The following RBMS3 variants were observed in gnomAD, a reference collection of about 807,000 sequenced individuals.
The protein encoded by RBMS3 is RNA-binding motif, single-stranded-interacting protein 3.
A neutral mutation model predicts 66.8 loss-of-function variants in RBMS3; 27 were observed. The ratio of observed to expected loss-of-function variants is 0.40; its 90% CI spans 0.30 to 0.56. The LOEUF (loss-of-function observed/expected upper bound fraction) is 0.56. Among genes scored for constraint, RBMS3 ranks in the 20% least tolerant of loss-of-function variants. The pLI is 0.40. For missense variants in RBMS3, 513 were observed against 549.5 expected (o/e 0.93, Z 0.66); for synonymous variants, 188 against 183.0 (o/e 1.03, Z -0.22).
At chr3:29,375,867 G>T (rs1317200888) in intron 1 of RBMS3, among the ~76,000 whole-genome samples, 2 of 152,084 alleles carry the variant, frequency 1.3e-5, no homozygotes, top group Admixed American at 1.3e-4. Context: ...CAAAGGAATA[G>T]AAATCATTCT....
At chr3:29,633,894 A>G (rs926632886) in intron 4 of RBMS3, among the ~76,000 whole-genome samples, 2 of 151,876 alleles carry the variant, frequency 1.3e-5, no homozygotes, top group African/African-American at 4.8e-5. Flanking sequence ...GACTTCATTT[A>G]AATAACCCCA....
intron 3 of RBMS3, among the ~76,000 whole-genome samples, chr3:29,574,733 GT>G (rs142133945): frequency 0.054 from 8,216 of 151,392 alleles, 406 homozygotes; most frequent in African/African-American, 0.14. Context: ...TCCATTGTGT[GT>G]TTTTTTGATT....
chr3:29,942,016 A>G (rs536906307), intron 11 of RBMS3, among the ~76,000 whole-genome samples: 2 of 151,942 alleles, frequency 1.3e-5, no homozygotes, highest in South Asian at 4.1e-4. Flanking sequence ...AAGAAGTTAT[A>G]GTTTTGAGAA....
At chr3:29,470,805 G>A (rs1421730300) in intron 2 of RBMS3, among the ~76,000 whole-genome samples, 3 of 151,900 alleles carry the variant, frequency 2.0e-5, no homozygotes, top group Non-Finnish European at 4.4e-5. Flanking sequence ...ACATTTTTTG[G>A]TATTTAGTAA....
At chr3:29,798,929 G>GTTTTTTTTTTTTTTTTTT (rs368923260) in intron 6 of RBMS3, among the ~76,000 whole-genome samples, 28 of 127,662 alleles carry the variant, frequency 2.2e-4, no homozygotes, top group African/African-American at 7.7e-4. Context: ...GTACCCTCTG[G>GTTTTTTTTTTTTTTTTTT]TTTTTTTTTT....
At chr3:29,293,158 T>C (rs545073555) in intron 1 of RBMS3, among the ~76,000 whole-genome samples, 1 of 151,978 alleles carries the variant, frequency 6.6e-6, no homozygotes, top group Non-Finnish European at 1.5e-5. Flanking sequence ...AGGGATGTTT[T>C]TCAGAAAGAG....
chr3:29,962,568 A>ATATATATATATATATATATATATATAT (rs199824648), intron 12 of RBMS3, among the ~76,000 whole-genome samples: 71 of 149,450 alleles, frequency 4.8e-4, no homozygotes, highest in African/African-American at 1.3e-3. Context: ...ATATATATAT[A>ATATATATATATATATATATATATATAT]ATACCATACC....
chr3:29,565,905 G>A (rs1466811703), intron 3 of RBMS3, among the ~76,000 whole-genome samples: 1 of 152,088 alleles, frequency 6.6e-6, no homozygotes, highest in East Asian at 1.9e-4. Flanking sequence ...GGTTGGAGTT[G>A]CAAATTTAAA....
intron 7 of RBMS3, among the ~76,000 whole-genome samples, chr3:29,882,984 A>C (rs971913239): frequency 1.3e-5 from 2 of 152,006 alleles, no homozygotes; most frequent in Non-Finnish European, 1.5e-5. Context: ...CAATTGTTAT[A>C]TTTTAAGTAA....
intron 12 of RBMS3, among the ~76,000 whole-genome samples, chr3:29,975,063 T>C (rs1390429251): frequency 1.5e-5 from 2 of 130,176 alleles, no homozygotes; most frequent in Non-Finnish European, 1.5e-5. Flanking sequence ...AAAATATGTT[T>C]CTATATATAT....
intron 6 of RBMS3, among the ~76,000 whole-genome samples, chr3:29,793,777 A>G (rs1005706718): frequency 6.6e-6 from 1 of 152,228 alleles, no homozygotes; most frequent in African/African-American, 2.4e-5. Flanking sequence ...TTTCTAGTGT[A>G]TGTGGAATCC....
intron 4 of RBMS3, among the ~76,000 whole-genome samples, chr3:29,605,045 T>G (rs936439664): frequency 6.6e-6 from 1 of 151,970 alleles, no homozygotes; most frequent in Admixed American, 6.6e-5. Flanking sequence ...CATAGCTTGT[T>G]TTGTAACTTG....
chr3:29,377,089 C>G (rs1404257933), intron 1 of RBMS3, among the ~76,000 whole-genome samples: 1 of 140,674 alleles, frequency 7.1e-6, no homozygotes, highest in Non-Finnish European at 1.5e-5. Context: ...AACTCTGTCT[C>G]AGAAAAAAAA....
chr3:29,929,715 A>G (rs2061057542), intron 10 of RBMS3, among the ~76,000 whole-genome samples: 1 of 152,208 alleles, frequency 6.6e-6, no homozygotes, highest in Non-Finnish European at 1.5e-5. Flanking sequence ...TTATTGGGAA[A>G]TCTATGTACA....
chr3:29,526,688 G>A (rs565498274), intron 3 of RBMS3, among the ~76,000 whole-genome samples: 1 of 151,812 alleles, frequency 6.6e-6, no homozygotes, highest in Non-Finnish European at 1.5e-5. Flanking sequence ...TTGCTGGACA[G>A]CTAAACTCTG....
chr3:29,683,616 C>T lies in RBMS3; in HGVS notation c.400-56104C>T, dbSNP rs144425219. On this transcript the variant is annotated intron_variant, in intron 4 of 14. Coordinates refer to ENST00000383767, the MANE Select transcript of RBMS3 (RefSeq NM_001003793.3). ...GACACACACACACACAAACACACCA[C>T]CTCCTTGAAGGAAGAAACATTTTAT... 2.8e-3 allele frequency among the ~76,000 whole-genome samples: 428 copies of T among 152,184 alleles called. 2 individuals carry two copies. Among genetic ancestry groups the T allele is most frequent in the African/African-American group, 9.6e-3 (399 of 41,538 alleles).
intron 12 of RBMS3, among the ~76,000 whole-genome samples, chr3:29,963,947 A>C (rs1311754206): frequency 6.6e-6 from 1 of 152,098 alleles, no homozygotes; most frequent in Non-Finnish European, 1.5e-5. Flanking sequence ...CTGAAAACCT[A>C]TTTAGCTTGG....
chr3:29,913,218 A>G (rs879498369), intron 10 of RBMS3, among the ~76,000 whole-genome samples: 5 of 152,010 alleles, frequency 3.3e-5, no homozygotes, highest in African/African-American at 9.7e-5. Context: ...ATTTAAAAGT[A>G]TCTGCATAAA....
At chr3:29,288,010 T>C (rs2032506456) in intron 1 of RBMS3, among the ~76,000 whole-genome samples, 1 of 152,064 alleles carries the variant, frequency 6.6e-6, no homozygotes, top group Admixed American at 6.6e-5. Context: ...GGAGTATGTA[T>C]TATGTGGAAT....
Sources: allele counts gnomAD v4.1 joint callset (sites outside exome capture counted in the v4.1 genomes callset), GRCh38; gene constraint gnomAD v4.1.1; transcripts MANE v1.5; gene names NCBI Gene and HGNC (gene_info 2026-07-23, HGNC 2026-07-21).